The following FARP1 variants were observed in gnomAD, a reference collection of about 807,000 sequenced individuals.
The protein encoded by FARP1 is FERM, ARH/RhoGEF and pleckstrin domain protein 1, also known as FERM, ARHGEF and pleckstrin domain-containing protein 1.
FARP1 carries 52 observed loss-of-function variants against 128.8 expected under a neutral mutation model. That is an observed-to-expected ratio of 0.40 (90% CI 0.32 to 0.51). The LOEUF is 0.51. Ranked by LOEUF, FARP1 falls within the 20% of genes least tolerant of loss-of-function variation. The pLI is 0.45. For synonymous variants in FARP1, 580 were observed against 551.8 expected (o/e 1.05, Z -0.72); for missense variants, 1,333 against 1,367.9 (o/e 0.97, Z 0.40).
chr13:98,320,572 G>C (rs979299793), intron 2 of FARP1, among the ~76,000 whole-genome samples: 1 of 152,184 alleles, frequency 6.6e-6, no homozygotes. Flanking sequence ...AGTCAGATAA[G>C]AATGAACAGA....
At position 98,391,842 on chromosome 13, in the gene FARP1, A is replaced by G. The variant is rs76807711; in HGVS notation, c.1088+962A>G. ...CCAATGCTCCAAGGAGGAGCAGCAG[A>G]ACCCAAGGAGGGTAAAGGAGCGGAG... On this transcript the variant is annotated intron_variant, in intron 11 of 26. Transcript: ENST00000319562. Among the ~76,000 whole-genome samples the G allele has an allele frequency of 5.8e-3, 878 of 152,308 alleles. 12 individuals carry two copies. The highest frequency in any genetic ancestry group is 0.02 in the African/African-American group (834 of 41,554).
At chr13:98,312,886 A>C (rs1242071673) in intron 2 of FARP1, among the ~76,000 whole-genome samples, 2 of 152,034 alleles carry the variant, frequency 1.3e-5, no homozygotes, top group Non-Finnish European at 2.9e-5. Context: ...TGACTTTATC[A>C]CAGACATAAT....
intron 2 of FARP1, among the ~76,000 whole-genome samples, chr13:98,322,029 G>T (rs543054772): frequency 3.9e-4 from 59 of 152,358 alleles, no homozygotes; most frequent in African/African-American, 1.2e-3. Flanking sequence ...CAGGAGCGGT[G>T]GCTCACGCCT....
chr13:98,232,936 G>C (rs144609584), intron 2 of FARP1, among the ~76,000 whole-genome samples: 2 of 152,300 alleles, frequency 1.3e-5, no homozygotes, highest in Admixed American at 1.3e-4. Flanking sequence ...CATGGTATCT[G>C]TTGTCATTTA....
At chr13:98,189,794 A>G (rs2139230565) in intron 1 of FARP1, among the ~76,000 whole-genome samples, 1 of 152,364 alleles carries the variant, frequency 6.6e-6, no homozygotes, top group African/African-American at 2.4e-5. Flanking sequence ...TTTCAGTTAT[A>G]GATGGTGTAT....
chr13:98,394,494 C>T (rs932085186), intron 12 of FARP1, among the ~76,000 whole-genome samples: 4 of 152,322 alleles, frequency 2.6e-5, no homozygotes, highest in African/African-American at 9.6e-5. Flanking sequence ...CGTCTTGTTC[C>T]GTAGAAGCTT....
chr13:98,153,330 A>ATAAAATATATAAATT (rs71120310), intron 1 of FARP1, among the ~76,000 whole-genome samples: 1 of 130,218 alleles, frequency 7.7e-6, no homozygotes, highest in Non-Finnish European at 1.6e-5. Context: ...TAAATAATAT[A>ATAAAATATATAAATT]ATATATAAAA....
chr13:98,323,289 T>C (rs1285751745), intron 2 of FARP1, among the ~76,000 whole-genome samples: 2 of 152,162 alleles, frequency 1.3e-5, no homozygotes, highest in Non-Finnish European at 2.9e-5. Context: ...TTCATTAATA[T>C]ATTTAAGCAG....
At position 98,287,208 on chromosome 13, in the gene FARP1, C is replaced by CTTTTTTTTT. The variant is rs71111939; in HGVS notation, c.172-56522_172-56514dup. On this transcript the variant is annotated intron_variant, in intron 2 of 26. Transcript: ENST00000319562. ...TTTCCAAATTAACCATCAGACATGTCTTTTTTTTTTTTTTTTTTTTTTTTT... is the reference window on the plus strand; with the variant it reads ...TTTCCAAATTAACCATCAGACATGTCTTTTTTTTTTTTTTTTTTTTTTTTTTTTTTTTTT... 9.2e-4 allele frequency among the ~76,000 whole-genome samples: 70 copies of CTTTTTTTTT among 75,842 alleles called. 8 individuals are homozygous for CTTTTTTTTT. Among genetic ancestry groups the CTTTTTTTTT allele is most frequent in the Non-Finnish European group, 1.2e-3 (49 of 42,108 alleles). 49.8% of individuals were successfully genotyped at this position (75,842 alleles called of 152,430 possible). A position where few individuals can be genotyped will look rare whatever the true frequency, so the allele number is the denominator to read the frequency against.
At position 98,449,821 on chromosome 13, in the gene FARP1, G is replaced by A. The variant is rs1211921186; in HGVS notation, c.*1504G>A. The A allele has an allele frequency of 2.0e-5, 3 of 152,248 alleles. No homozygotes were observed. Among genetic ancestry groups the A allele is most frequent in the African/African-American group, 7.3e-5 (3 of 41,312 alleles). 9.4% of individuals were successfully genotyped at this position (152,248 alleles called of 1,614,324 possible). On this transcript the variant is annotated 3_prime_UTR_variant, in exon 27 of 27. Coordinates refer to ENST00000319562, the MANE Select transcript of FARP1 (RefSeq NM_005766.4). ...CTGTGTGGGGGGGGAGGGGGGAAGGGGACACTCCAGCAAGGGTTTCTAAAG... is the reference window on the plus strand; with the variant it reads ...CTGTGTGGGGGGGGAGGGGGGAAGGAGACACTCCAGCAAGGGTTTCTAAAG...
chr13:98,301,722 A>C (rs1885933575), intron 2 of FARP1, among the ~76,000 whole-genome samples: 2 of 152,226 alleles, frequency 1.3e-5, no homozygotes, highest in African/African-American at 4.8e-5. Context: ...AAATGGTAGT[A>C]CATTGAAAAC....
intron 3 of FARP1, among the ~76,000 whole-genome samples, chr13:98,348,800 C>T (rs952297053): frequency 2.0e-5 from 3 of 152,174 alleles, no homozygotes; most frequent in Non-Finnish European, 2.9e-5. Context: ...GGACCTGTGC[C>T]AGAACAGGGA....
intron 2 of FARP1, among the ~76,000 whole-genome samples, chr13:98,299,571 T>C (rs978680156): frequency 6.6e-6 from 1 of 152,132 alleles, no homozygotes; most frequent in Non-Finnish European, 1.5e-5. Flanking sequence ...AATGCTAAAG[T>C]AGGAAAAATA....
chr13:98,439,192 T>C lies in FARP1; in HGVS notation c.2429T>C (p.Met810Thr). Residue 810 changes from methionine to threonine, a missense_variant, in exon 21 of 27, where the codon ATG (methionine) becomes ACG (threonine). This residue lies in a region of FARP1 where 1,009 missense variants were observed against 969.8 expected (regional missense o/e 1.04). Transcript: ENST00000319562. ...KVHGQLPLYGMTIEESEDEWG... is the reference protein window; with the variant it reads ...KVHGQLPLYGTTIEESEDEWG... ...CACGGGCAGCTCCCGCTCTATGGCA[T>C]GACGGTGAGTACAGCACAGGCTCGT... 1 of 1,611,490 alleles carries C rather than the reference T, an allele frequency of 6.2e-7. No homozygotes were observed. Among genetic ancestry groups the C allele is most frequent in the Non-Finnish European group, 8.5e-7 (1 of 1,178,144 alleles).
intron 2 of FARP1, among the ~76,000 whole-genome samples, chr13:98,254,863 T>C (rs1883508415): frequency 6.6e-6 from 1 of 151,876 alleles, no homozygotes; most frequent in African/African-American, 2.4e-5. Flanking sequence ...AACCATTTCA[T>C]GGAGAAGAAC....
intron 2 of FARP1, among the ~76,000 whole-genome samples, chr13:98,313,250 C>CACACAA (rs1244951161): frequency 1.3e-5 from 2 of 149,172 alleles, no homozygotes; most frequent in African/African-American, 2.5e-5. Flanking sequence ...AATACACACA[C>CACACAA]ACACACACAC....
rs889568407 is a variant in FARP1, at chr13:98,342,129, C to T, written c.172-1633C>T. Among the ~76,000 whole-genome samples the T allele has an allele frequency of 5.9e-5, 9 of 152,032 alleles. No homozygotes were observed. In the East Asian group the frequency reaches 1.5e-3, roughly 26 times the overall value. On this transcript the variant is annotated intron_variant, in intron 2 of 26. Coordinates refer to ENST00000319562, the MANE Select transcript of FARP1 (RefSeq NM_005766.4). ...TTTCCCTTCAATGTGGGTATAGTCT[C>T]GATGAGATACTGCACAGAGTGCTAC... is the stretch of plus-strand genomic sequence containing the variant.
chr13:98,401,098 T>C (rs1890742974), intron 13 of FARP1: 1 of 152,200 alleles, frequency 6.6e-6, no homozygotes, highest in Non-Finnish European at 1.5e-5. Context: ...TGATGAGTTT[T>C]ATATTGGCTC....
At chr13:98,296,514 A>T (rs1594370947) in intron 2 of FARP1, among the ~76,000 whole-genome samples, 1 of 150,178 alleles carries the variant, frequency 6.7e-6, no homozygotes, top group Non-Finnish European at 1.5e-5. Flanking sequence ...GAAGACAGGG[A>T]CCCCCCGCTC....
Sources: gnomAD v4.1 joint callset for allele counts (sites outside exome capture counted in the v4.1 genomes callset) on GRCh38, gnomAD v4.1.1 for gene constraint, gnomAD v4.1.1 regional missense constraint, MANE v1.5 for transcripts, NCBI Gene and HGNC (gene_info 2026-07-23, HGNC 2026-07-21) for gene names.